BTRC: variants seen among roughly 807,000 people sequenced by gnomAD.
The protein encoded by BTRC is F-box/WD repeat-containing protein 1A.
BTRC carries 42 observed loss-of-function variants against 85.5 expected under a neutral mutation model. That is an observed-to-expected ratio of 0.49 (90% CI 0.38 to 0.64). BTRC has a LOEUF of 0.64. Ranked by LOEUF, BTRC falls within the 30% of genes least tolerant of loss-of-function variation. The pLI, the probability that BTRC is intolerant of heterozygous loss-of-function variation, is 0.00. For missense variants in BTRC, 594 were observed against 743.5 expected (o/e 0.80, Z 2.34); for synonymous variants, 255 against 263.3 (o/e 0.97, Z 0.30).
At chr10:101,506,323 A>C (rs146741363) in intron 4 of BTRC, among the ~76,000 whole-genome samples, 3 of 152,292 alleles carry the variant, frequency 2.0e-5, no homozygotes, top group African/African-American at 7.2e-5. Flanking sequence ...GTGAATGTTA[A>C]ATACAGTTGC....
At chr10:101,494,677 G>T (rs1199385640) in intron 4 of BTRC, among the ~76,000 whole-genome samples, 2 of 152,074 alleles carry the variant, frequency 1.3e-5, no homozygotes, top group East Asian at 3.8e-4. Context: ...ATATGGAAAA[G>T]CCATGTTTCT....
intron 1 of BTRC, chr10:101,414,573 G>T: frequency 2.0e-6 from 1 of 502,804 alleles, no homozygotes; most frequent in Non-Finnish European, 3.9e-6. Context: ...ACAGCGTTAG[G>T]CAGGTCCTTC....
chr10:101,459,979 C>CA (rs1466123575), intron 2 of BTRC, among the ~76,000 whole-genome samples: 1 of 151,954 alleles, frequency 6.6e-6, no homozygotes, highest in Non-Finnish European at 1.5e-5. Context: ...AAACTTCCAG[C>CA]AAAAAGTAAT....
chr10:101,431,325 T>C (rs936238606), intron 2 of BTRC, among the ~76,000 whole-genome samples: 2 of 152,028 alleles, frequency 1.3e-5, no homozygotes, highest in Admixed American at 1.3e-4. Flanking sequence ...AATCCACCCA[T>C]CTCGGCTTCC....
At chr10:101,525,136 T>A (rs1196183806) in intron 5 of BTRC, among the ~76,000 whole-genome samples, 2 of 152,198 alleles carry the variant, frequency 1.3e-5, no homozygotes, top group Non-Finnish European at 2.9e-5. Flanking sequence ...AAGAAGTTTT[T>A]TTAGTGAGAT....
At chr10:101,477,633 C>A (rs1310781630) in intron 3 of BTRC, among the ~76,000 whole-genome samples, 3 of 152,006 alleles carry the variant, frequency 2.0e-5, no homozygotes, top group African/African-American at 7.2e-5. Context: ...TTTTAAAATC[C>A]ATTTCCTATG....
chr10:101,456,708 T>C (rs1294845170), intron 2 of BTRC, among the ~76,000 whole-genome samples: 3 of 152,224 alleles, frequency 2.0e-5, no homozygotes, highest in Non-Finnish European at 4.4e-5. Flanking sequence ...TCTCTGTTAC[T>C]GTATCTGCAG....
At chr10:101,366,930 A>ATATATT (rs1942439148) in intron 1 of BTRC, among the ~76,000 whole-genome samples, 2 of 15,502 alleles carry the variant, frequency 1.3e-4, no homozygotes, top group African/African-American at 2.9e-4. Context: ...ATATATATTT[A>ATATATT]TATATATTTA....
intron 4 of BTRC, among the ~76,000 whole-genome samples, chr10:101,514,433 A>G (rs1238113279): frequency 3.3e-5 from 5 of 151,540 alleles, no homozygotes; most frequent in East Asian, 1.9e-4. Flanking sequence ...TGGATATCCA[A>G]TTGTTGAAAG....
intron 1 of BTRC, among the ~76,000 whole-genome samples, chr10:101,383,964 C>T (rs2133965351): frequency 6.6e-6 from 1 of 152,286 alleles, no homozygotes; most frequent in East Asian, 1.9e-4. Flanking sequence ...ATTCTTCCGT[C>T]TCAGCCTCCC....
chr10:101,523,084 A>G (rs906982778), intron 5 of BTRC, among the ~76,000 whole-genome samples: 4 of 152,120 alleles, frequency 2.6e-5, no homozygotes, highest in African/African-American at 9.7e-5. Flanking sequence ...CACACCTGTT[A>G]TCTCAGCTAC....
intron 13 of BTRC, among the ~76,000 whole-genome samples, chr10:101,550,440 A>G (rs1460937773): frequency 1.3e-5 from 2 of 152,004 alleles, no homozygotes; most frequent in African/African-American, 4.8e-5. Context: ...ACATGCCACC[A>G]GCCCGGCTAA....
intron 2 of BTRC, among the ~76,000 whole-genome samples, chr10:101,430,732 T>C (rs1039746494): frequency 1.3e-5 from 2 of 152,196 alleles, no homozygotes; most frequent in Non-Finnish European, 2.9e-5. Context: ...TAGTAGATTT[T>C]AAAGTAATCT....
At chr10:101,433,557 A>G (rs558272018) in intron 2 of BTRC, among the ~76,000 whole-genome samples, 2 of 152,320 alleles carry the variant, frequency 1.3e-5, no homozygotes, top group African/African-American at 2.4e-5. Context: ...GGCTTGGTGC[A>G]TTTAAGGACC....
At chr10:101,431,626 TTTA>T (rs1414409715) in intron 2 of BTRC, among the ~76,000 whole-genome samples, 1 of 152,202 alleles carries the variant, frequency 6.6e-6, no homozygotes, top group Non-Finnish European at 1.5e-5. Context: ...TTTGCCTGCT[TTTA>T]ACCTGTTGTT....
At chr10:101,466,523 A>T (rs754600422) in intron 3 of BTRC, among the ~76,000 whole-genome samples, 4 of 152,192 alleles carry the variant, frequency 2.6e-5, no homozygotes, top group African/African-American at 9.7e-5. Flanking sequence ...ATAGATGGAG[A>T]CTTCACCTGC....
intron 1 of BTRC, among the ~76,000 whole-genome samples, chr10:101,415,955 T>C (rs80126009): frequency 2.2e-4 from 33 of 152,342 alleles, no homozygotes; most frequent in African/African-American, 7.0e-4. Flanking sequence ...CTGTCCCTGC[T>C]TGTAGCACAG....
At chr10:101,523,385 CAGACA>C (rs2062148147) in intron 5 of BTRC, among the ~76,000 whole-genome samples, 1 of 151,944 alleles carries the variant, frequency 6.6e-6, no homozygotes, top group African/African-American at 2.4e-5. Context: ...TGCTTAAGGG[CAGACA>C]AGAACACTGC....
intron 1 of BTRC, among the ~76,000 whole-genome samples, chr10:101,366,933 T>TAA: frequency 3.7e-5 from 1 of 27,280 alleles, no homozygotes; most frequent in South Asian, 7.7e-4. Context: ...TATATTTATA[T>TAA]ATATTTATAT....
Sources: gnomAD v4.1 joint callset for allele counts (sites outside exome capture counted in the v4.1 genomes callset) on GRCh38, gnomAD v4.1.1 for gene constraint, MANE v1.5 for transcripts, NCBI Gene and HGNC (gene_info 2026-07-23, HGNC 2026-07-21) for gene names.